Variants in MKLN1 observed in about 807,000 individuals in gnomAD.
MKLN1 encodes the protein muskelin 1.
MKLN1 carries 18 observed loss-of-function variants against 99.0 expected under a neutral mutation model. That is an observed-to-expected ratio of 0.18 (90% CI 0.13 to 0.27). The LOEUF (loss-of-function observed/expected upper bound fraction) is 0.27, where lower values mean the gene tolerates loss of function less well. MKLN1 is among the 10% of genes least tolerant of loss of function. MKLN1 has a pLI of 1.00. For synonymous variants in MKLN1, 288 were observed against 293.2 expected (o/e 0.98, Z 0.18); for missense variants, 621 against 875.9 (o/e 0.71, Z 3.67).
intron 1 of MKLN1, among the ~76,000 whole-genome samples, chr7:131,329,258 C>G (rs1798994784): frequency 6.6e-6 from 1 of 152,172 alleles, no homozygotes; most frequent in South Asian, 2.1e-4. Flanking sequence ...GCCAGCCTCC[C>G]ATTTTATTCA....
intron 8 of MKLN1, among the ~76,000 whole-genome samples, chr7:131,417,090 A>G (rs1215125127): frequency 6.6e-6 from 1 of 152,022 alleles, no homozygotes; most frequent in Admixed American, 6.6e-5. Context: ...TATTGTAGTC[A>G]TGGAATTTTA....
At chr7:131,402,379 T>TA (rs1215902644) in intron 6 of MKLN1, among the ~76,000 whole-genome samples, 1 of 152,218 alleles carries the variant, frequency 6.6e-6, no homozygotes, top group African/African-American at 2.4e-5. Flanking sequence ...CATCTGCAGT[T>TA]AATTTCTTCT....
intron 10 of MKLN1, among the ~76,000 whole-genome samples, chr7:131,440,698 A>C (rs551816143): frequency 7.2e-6 from 1 of 138,322 alleles, no homozygotes; most frequent in Non-Finnish European, 1.6e-5. Flanking sequence ...CAGGGAAGGT[A>C]GGCAGAGGAG....
intron 2 of MKLN1, among the ~76,000 whole-genome samples, chr7:131,386,585 G>A (rs369414427): frequency 4.6e-5 from 7 of 152,128 alleles, no homozygotes; most frequent in African/African-American, 1.2e-4. Flanking sequence ...AATTGATCCC[G>A]TTTTATCCAA....
rs558529213 is a variant in MKLN1, at chr7:131,493,659, G to C, written c.*5931G>C. 1 of 152,276 alleles carries C rather than the reference G, an allele frequency of 6.6e-6. No individual in the cohort carries two copies. The highest frequency in any genetic ancestry group is 2.1e-4 in the South Asian group (1 of 4,822). The allele number at this position is 152,276 out of a possible 1,614,324, so 9.4% of individuals were successfully genotyped here. ...GTGAGCAGCTTCTTACATACAACCA[G>C]TTCCTTGTTAAGGATCCAGCAGGAA... is the stretch of plus-strand genomic sequence containing the variant. On this transcript the variant is annotated 3_prime_UTR_variant, in exon 18 of 18. Transcript: ENST00000352689.
chr7:131,227,590 GA>G (rs1032537774), intron 3 of MKLN1, among the ~76,000 whole-genome samples: 1 of 137,550 alleles, frequency 7.3e-6, no homozygotes, highest in African/African-American at 2.7e-5. Flanking sequence ...TTTTGAGACA[GA>G]ATCTCACTCT....
intron 3 of MKLN1, among the ~76,000 whole-genome samples, chr7:131,294,917 G>A (rs2060722): frequency 0.89 from 136,155 of 152,214 alleles, 60,960 homozygotes; most frequent in East Asian, 0.96. Flanking sequence ...TCCTTGGAAC[G>A]CAAACCATCT....
chr7:131,120,479 G>T (rs1475147144), intron 1 of MKLN1, among the ~76,000 whole-genome samples: 2 of 146,910 alleles, frequency 1.4e-5, no homozygotes, highest in Non-Finnish European at 3.0e-5. Context: ...AACCCAGGAG[G>T]CAGAGCTTGC....
Position 131,414,641 on chromosome 7 carries a change from A to G in MKLN1, c.782-4A>G. 1 of 1,596,762 alleles carries G rather than the reference A, an allele frequency of 6.3e-7. No homozygotes were observed. Among genetic ancestry groups the G allele is most frequent in the South Asian group, 1.1e-5 (1 of 89,814 alleles). ...TTTAAAAGAAACTATTATTTCTTCT[A>G]AAGGTGATGGGGAAGATAACCGTCC... On this transcript the variant is annotated splice_polypyrimidine_tract_variant and splice_region_variant and intron_variant, in intron 7 of 17. Transcript: ENST00000352689.
At chr7:131,288,590 C>G (rs1313242746) in intron 3 of MKLN1, among the ~76,000 whole-genome samples, 5 of 152,128 alleles carry the variant, frequency 3.3e-5, no homozygotes, top group African/African-American at 4.8e-5. Flanking sequence ...AATACAAGCC[C>G]CATGTCCTTC....
At chr7:131,169,646 G>A (rs1051438243) in intron 2 of MKLN1, among the ~76,000 whole-genome samples, 4 of 152,068 alleles carry the variant, frequency 2.6e-5, no homozygotes, top group African/African-American at 4.8e-5. Flanking sequence ...TTAGACTTAC[G>A]AATTGAGATT....
intron 9 of MKLN1, among the ~76,000 whole-genome samples, chr7:131,436,752 T>C (rs79844960): frequency 0.018 from 2,682 of 152,306 alleles, 67 homozygotes; most frequent in African/African-American, 0.061. Flanking sequence ...AAGTTCTTTT[T>C]CCCCGATGAA....
intron 2 of MKLN1, among the ~76,000 whole-genome samples, chr7:131,192,137 A>ATACTG (rs1376017810): frequency 4.9e-5 from 4 of 81,612 alleles, no homozygotes; most frequent in South Asian, 4.4e-4. Flanking sequence ...ATATAAAAAT[A>ATACTG]TATATACGTA....
At chr7:131,451,497 A>G (rs1193654819) in intron 12 of MKLN1, among the ~76,000 whole-genome samples, 2 of 152,110 alleles carry the variant, frequency 1.3e-5, no homozygotes, top group Admixed American at 6.5e-5. Flanking sequence ...GTCAGATACT[A>G]TAAAATCTTA....
Position 131,494,734 on chromosome 7 carries a change from T to G in MKLN1, c.*7006T>G, listed in dbSNP as rs778956402. On this transcript the variant is annotated 3_prime_UTR_variant, in exon 18 of 18. Transcript: ENST00000352689. Reference sequence around the variant, plus strand: ...CAATTAGCCTGGGCAAGAGGTGTTATGATTGTCTTATTCTTTAAGCCGGCT... The same window carrying G: ...CAATTAGCCTGGGCAAGAGGTGTTAGGATTGTCTTATTCTTTAAGCCGGCT... The G allele has an allele frequency of 5.3e-5, 8 of 152,208 alleles. No individual in the cohort carries two copies. Among genetic ancestry groups the G allele is most frequent in the Non-Finnish European group, 1.0e-4 (7 of 68,030 alleles). The allele number at this position is 152,208 out of a possible 1,614,324, so 9.4% of individuals were successfully genotyped here.
At chr7:131,197,908 G>A (rs1222365782) in intron 2 of MKLN1, among the ~76,000 whole-genome samples, 1 of 151,786 alleles carries the variant, frequency 6.6e-6, no homozygotes, top group Non-Finnish European at 1.5e-5. Flanking sequence ...ACCATCTCAG[G>A]TCTGCAACCT....
intron 3 of MKLN1, among the ~76,000 whole-genome samples, chr7:131,245,475 C>A (rs907065571): frequency 6.6e-6 from 1 of 152,162 alleles, no homozygotes; most frequent in African/African-American, 2.4e-5. Context: ...ACCACATTAG[C>A]CAGGCTGGTC....
chr7:131,156,833 C>G (rs1394180705), intron 2 of MKLN1, among the ~76,000 whole-genome samples: 2 of 152,178 alleles, frequency 1.3e-5, no homozygotes, highest in East Asian at 3.8e-4. Flanking sequence ...TATTCATAGG[C>G]ACTGTTTTAA....
intron 12 of MKLN1, among the ~76,000 whole-genome samples, chr7:131,448,148 A>C (rs536236462): frequency 6.6e-6 from 1 of 152,308 alleles, no homozygotes; most frequent in African/African-American, 2.4e-5. Context: ...GAATGGCGTG[A>C]ACCCGGGAGG....
Sources: allele counts gnomAD v4.1 joint callset (sites outside exome capture counted in the v4.1 genomes callset), GRCh38; gene constraint gnomAD v4.1.1; transcripts MANE v1.5; gene names NCBI Gene and HGNC (gene_info 2026-07-23, HGNC 2026-07-21).